ATP7B: variants seen among roughly 807,000 people sequenced by gnomAD.
The protein encoded by ATP7B is ATPase copper transporting beta.
ATP7B carries 113 observed loss-of-function variants against 118.9 expected under a neutral mutation model. That is an observed-to-expected ratio of 0.95 (90% confidence interval 0.82 to 1.11). The LOEUF (loss-of-function observed/expected upper bound fraction) is 1.11. ATP7B is among the 50% of genes most tolerant of loss of function. The pLI is 0.00. For missense variants in ATP7B, 1,867 were observed against 1,871.4 expected, an observed-to-expected ratio of 1.00 and a Z score of 0.04; for synonymous variants, 777 against 727.4, an observed-to-expected ratio of 1.07 and a Z score of -1.10.
rs1209293534 is a variant in ATP7B at position 51,949,790 on chromosome 13, T to C, written c.2737A>G (p.Ile913Val). 1 of 1,613,910 alleles carries C rather than the reference T, an allele frequency of 6.2e-7. No individual in the cohort carries two copies. The highest frequency in any genetic ancestry group is 8.5e-7 in the Non-Finnish European group (1 of 1,180,044). The change falls in exon 12 of 21, where the codon ATT (isoleucine) becomes GTT (valine). Residue 913 changes from isoleucine (I) to valine (V), a missense_variant. Transcript: ENST00000242839. ...CTAAACCGGTCAGCCAGCTGCTGAA[T>C]GGGTGCCTATGAAAATAAAACACCA... is the stretch of plus-strand genomic sequence containing the variant. Reference protein sequence around the residue: ...VEEAQMSKAPIQQLADRFSGY... With the variant: ...VEEAQMSKAPVQQLADRFSGY...
intron 2 of ATP7B, among the ~76,000 whole-genome samples, chr13:51,972,270 A>G (rs1951877439): frequency 6.6e-6 from 1 of 152,160 alleles, no homozygotes; most frequent in African/African-American, 2.4e-5. Context: ...GGCCTCCCCT[A>G]GTTAACCCGC....
chr13:51,960,036 T>C, intron 7 of ATP7B, 112 bp downstream of exon 7: 2 of 1,394,764 alleles, frequency 1.4e-6, no homozygotes, highest in Non-Finnish European at 2.0e-6. Context: ...AAAGCTGCAA[T>C]AAAGTGCCAT....
chr13:51,999,886 G>T (rs1953407564), intron 1 of ATP7B, among the ~76,000 whole-genome samples: 2 of 152,148 alleles, frequency 1.3e-5, no homozygotes, highest in Middle Eastern at 3.4e-3. Flanking sequence ...CAGGTCCCCA[G>T]TGCCCACCCC....
At chr13:52,000,580 T>C (rs1267646095) in intron 1 of ATP7B, among the ~76,000 whole-genome samples, 1 of 152,200 alleles carries the variant, frequency 6.6e-6, no homozygotes, top group Non-Finnish European at 1.5e-5. Context: ...TCCTCGGTGT[T>C]TCATATGCAT....
intron 4 of ATP7B, among the ~76,000 whole-genome samples, chr13:51,965,957 T>G (rs909426650): frequency 2.6e-5 from 4 of 152,202 alleles, no homozygotes; most frequent in Non-Finnish European, 5.9e-5. Flanking sequence ...GGAGCTCATC[T>G]GCAATCAGAA....
chr13:51,966,233 C>T (rs568888014), intron 4 of ATP7B, among the ~76,000 whole-genome samples: 1 of 152,324 alleles, frequency 6.6e-6, no homozygotes, highest in South Asian at 2.1e-4. Flanking sequence ...GTCTCAAAAC[C>T]GCAGTACTGA....
chr13:51,963,983 G>A (rs937983661), intron 5 of ATP7B, among the ~76,000 whole-genome samples: 3 of 152,068 alleles, frequency 2.0e-5, no homozygotes, highest in African/African-American at 2.4e-5. Flanking sequence ...CCTGGGAGGC[G>A]GAGGTTGCAG....
At chr13:51,996,802 C>T (rs1953233808) in intron 1 of ATP7B, among the ~76,000 whole-genome samples, 1 of 152,232 alleles carries the variant, frequency 6.6e-6, no homozygotes, top group African/African-American at 2.4e-5. Flanking sequence ...CTTCTTACCA[C>T]ACTTGTGGCG....
chr13:51,975,503 A>G, intron 1 of ATP7B: 1 of 535,414 alleles, frequency 1.9e-6, no homozygotes, highest in Non-Finnish European at 3.7e-6. Flanking sequence ...GCAGAGGCAG[A>G]GGGCACAGCG....
rs786204547 is a variant in ATP7B, at chr13:51,941,081, C to T, written c.3556G>A (p.Gly1186Ser). The change falls in exon 16 of 21, where the codon GGT (glycine) becomes AGT (serine). Residue 1186 changes from glycine to serine, a missense_variant and splice_region_variant. Gly to Ser is a moderately conservative substitution (Grantham distance 56, BLOSUM62 0). Transcript: ENST00000242839. ...GQTAILVAID[G>S]VLCGMIAIAD... ...GAAGGAAGGCAGAAGCAGAAGATAC[C>T]GTCAATAGCCACCAGGATGGCTGTC... 5.6e-6 allele frequency: 9 copies of T among 1,614,006 alleles called. No homozygotes were observed. Among genetic ancestry groups the T allele is most frequent in the East Asian group, 2.2e-5 (1 of 44,900 alleles).
intron 7 of ATP7B, 38 bp from the exon 8 acceptor site, chr13:51,958,582 G>T: frequency 6.3e-7 from 1 of 1,586,386 alleles, no homozygotes; most frequent in East Asian, 2.2e-5. Context: ...CAGCAAGTAG[G>T]GAGGAGAGTT....
chr13:51,977,896 T>C (rs1358621337), intron 1 of ATP7B, among the ~76,000 whole-genome samples: 1 of 152,228 alleles, frequency 6.6e-6, no homozygotes, highest in Non-Finnish European at 1.5e-5. Flanking sequence ...ATCATGACTG[T>C]ATAGTAAGGA....
At chr13:51,981,522 G>T (rs1952418377) in intron 1 of ATP7B, among the ~76,000 whole-genome samples, 1 of 152,194 alleles carries the variant, frequency 6.6e-6, no homozygotes, top group Admixed American at 6.5e-5. Flanking sequence ...GTACTGCCTT[G>T]CTCGGCCTTA....
intron 17 of ATP7B, 57 bp from the exon 18 acceptor site, chr13:51,937,736 A>G: frequency 6.3e-7 from 1 of 1,588,856 alleles, no homozygotes; most frequent in Admixed American, 1.7e-5. Context: ...ATAGCAGCAG[A>G]AACCTCAAGT....
chr13:51,937,265 G>C lies in ATP7B; in HGVS notation c.4021+11C>G, dbSNP rs1957024154. ...GGCGCAGCTGGAGCACAGTGGGTAAGAGCTGCCTACCTGCTGCAATGGGTA... is the reference window on the plus strand; with the variant it reads ...GGCGCAGCTGGAGCACAGTGGGTAACAGCTGCCTACCTGCTGCAATGGGTA... On this transcript the variant is annotated intron_variant, in intron 19 of 20. Transcript: ENST00000242839. 6.2e-7 allele frequency: 1 copy of C among 1,611,300 alleles called. No homozygotes were observed. Among genetic ancestry groups the C allele is most frequent in the African/African-American group, 1.3e-5 (1 of 74,842 alleles).
In ATP7B at chr13:51,936,023, C is replaced by A. The variant is rs1170811209; in HGVS notation, c.4022-328G>T. Among the ~76,000 whole-genome samples the A allele has an allele frequency of 3.3e-5, 5 of 152,228 alleles. No individual in the cohort carries two copies. In the South Asian group the frequency reaches 1.0e-3, roughly 32 times the overall value. Reference sequence around the variant, plus strand: ...AGTGGGAGGAGCGGGAGGAGAAAAGCGGCAGGAGCTGAGGGAGCCAGTTGC... The same window carrying A: ...AGTGGGAGGAGCGGGAGGAGAAAAGAGGCAGGAGCTGAGGGAGCCAGTTGC... On this transcript the variant is annotated intron_variant, in intron 19 of 20. Coordinates refer to ENST00000242839, the MANE Select transcript of ATP7B (RefSeq NM_000053.4).
intron 1 of ATP7B, among the ~76,000 whole-genome samples, chr13:52,004,929 T>C (rs1593876162): frequency 2.6e-5 from 4 of 152,334 alleles, no homozygotes; most frequent in South Asian, 4.1e-4. Context: ...TAGCACCACA[T>C]GGACACCAAG....
At chr13:51,969,520 T>C (rs1217262234) in intron 3 of ATP7B, among the ~76,000 whole-genome samples, 1 of 152,184 alleles carries the variant, frequency 6.6e-6, no homozygotes, top group East Asian at 1.9e-4. Context: ...TACTCTTTTA[T>C]AGTTTCTAAT....
chr13:52,000,457 G>A (rs1953439867), intron 1 of ATP7B, among the ~76,000 whole-genome samples: 1 of 152,178 alleles, frequency 6.6e-6, no homozygotes, highest in African/African-American at 2.4e-5. Context: ...CACCTTGGGG[G>A]TTAGGTTCCA....
Sources: allele counts gnomAD v4.1 joint callset (sites outside exome capture counted in the v4.1 genomes callset), GRCh38; gene constraint gnomAD v4.1.1; transcripts MANE v1.5; gene names NCBI Gene and HGNC (gene_info 2026-07-23, HGNC 2026-07-21).